DNAH8: variants seen among roughly 807,000 people sequenced by gnomAD.
The protein encoded by DNAH8 is dynein axonemal heavy chain 8.
In DNAH8, 382 loss-of-function variants were observed where a neutral mutation model predicts 562.1. That is an observed-to-expected ratio of 0.68 (90% confidence interval 0.63 to 0.74). The LOEUF (loss-of-function observed/expected upper bound fraction) is 0.74. Among genes scored for constraint, DNAH8 ranks in the 30% least tolerant of loss-of-function variants. The pLI, the probability that DNAH8 is intolerant of heterozygous loss-of-function variation, is 0.00. For synonymous variants in DNAH8, 1,881 were observed against 1,919.4 expected (o/e 0.98, Z 0.52); for missense variants, 5,203 against 5,620.4 (o/e 0.93, Z 2.37).
intron 23 of DNAH8, among the ~76,000 whole-genome samples, chr6:38,806,212 G>T (rs1397100414): frequency 6.6e-6 from 1 of 152,062 alleles, no homozygotes; most frequent in Non-Finnish European, 1.5e-5. Context: ...TCCTCCCCGG[G>T]TCAGTTTTCT....
In DNAH8 at chr6:38,971,183, C is replaced by T. The variant is rs371394927; in HGVS notation, c.12452-409C>T. On this transcript the variant is annotated intron_variant, in intron 82 of 92. Transcript: ENST00000327475. ...ACAGAAAATTAAATCTTTACAGAAG[C>T]GTCTGCTAAAACGCCGAAAAGGATT... is the stretch of plus-strand genomic sequence containing the variant. Among the ~76,000 whole-genome samples the T allele has an allele frequency of 5.7e-4, 87 of 152,294 alleles. No homozygotes were observed. In the South Asian group the frequency reaches 0.017, roughly 30 times the overall value.
Position 38,883,950 on chromosome 6 carries a change from A to G in DNAH8, c.8211A>G (p.Val2737=), listed in dbSNP as rs1778711888. The G allele has an allele frequency of 3.1e-6, 5 of 1,588,150 alleles. No homozygotes were observed. The highest frequency in any genetic ancestry group is 2.7e-5 in the African/African-American group (2 of 74,144). Residue 2737 remains valine (V), a synonymous_variant, in exon 56 of 93, where the codon GTA becomes GTG. Transcript: ENST00000327475. The part of the protein sequence containing the change: ...YGPPGGRKMT[V]FIDDINMPVI... ...CACCAGGAGGGAGAAAAATGACTGT[A>G]TTTATTGATGATATTAATATGCCTG...
Position 38,883,041 on chromosome 6 carries a change from A to G in DNAH8, c.7990A>G (p.Lys2664Glu). Residue 2664 changes from lysine (K) to glutamate (E), a missense_variant, in exon 54 of 93, where the codon AAA (lysine) becomes GAA (glutamate). Around this residue, in one of 6 missense-constraint regions of DNAH8, gnomAD observed 977 missense variants for 1,061.8 expected, o/e 0.92. Transcript: ENST00000327475. ...RTNFLIDTIA[K>E]QHKAVLLTGE... ...AAATTTTTTGATAGACACCATTGCA[A>G]AACAACATAAAGTAAGTTTAATAGA... 6.3e-7 allele frequency: 1 copy of G among 1,593,412 alleles called. No homozygotes were observed. Among genetic ancestry groups the G allele is most frequent in the Non-Finnish European group, 8.5e-7 (1 of 1,173,326 alleles).
intron 8 of DNAH8, among the ~76,000 whole-genome samples, chr6:38,743,007 C>T (rs1455229484): frequency 4.8e-4 from 25 of 51,994 alleles, no homozygotes; most frequent in South Asian, 2.1e-3. Context: ...TGTTGTTGTG[C>T]TTTTTTTTTT....
chr6:38,887,009 G>A lies in DNAH8; in HGVS notation c.8473+5G>A. The A allele has an allele frequency of 1.9e-6, 3 of 1,576,604 alleles. No individual in the cohort carries two copies. The highest frequency in any genetic ancestry group is 2.6e-6 in the Non-Finnish European group (3 of 1,146,524). ...CTTCAATAGACAAAATTTTTGGTAT[G>A]AATATTCTTAGCGTTTATTTTATTG... On this transcript the variant is annotated splice_donor_5th_base_variant and intron_variant, in intron 57 of 92. Coordinates refer to ENST00000327475, the MANE Select transcript of DNAH8 (RefSeq NM_001206927.2).
chr6:38,973,787 G>C lies in DNAH8; in HGVS notation c.12652G>C (p.Asp4218His), dbSNP rs778552426. 1.2e-6 allele frequency: 2 copies of C among 1,605,730 alleles called. No homozygotes were observed. The highest frequency in any genetic ancestry group is 2.2e-5 in the South Asian group (2 of 88,984). The change falls in exon 84 of 93, where the codon GAT becomes CAT. Residue 4218 changes from aspartate to histidine, a missense_variant. This residue lies in a region of DNAH8 where 1,399 missense variants were observed against 1,518.4 expected (regional missense o/e 0.92). Transcript: ENST00000327475. ...FRVWITTEPH[D>H]RFPITLLQTS... ...AGTATGGATAACTACGGAGCCCCAT[G>C]ATCGATTTCCAATTACATTGCTTCA...
intron 3 of DNAH8, among the ~76,000 whole-genome samples, chr6:38,728,460 A>T (rs1763403928): frequency 6.6e-6 from 1 of 152,230 alleles, no homozygotes; most frequent in South Asian, 2.1e-4. Flanking sequence ...TGTATCTAAA[A>T]TGCAAGGATT....
chr6:38,876,614 T>A (rs9366982), intron 53 of DNAH8, among the ~76,000 whole-genome samples: 1 of 151,860 alleles, frequency 6.6e-6, no homozygotes, highest in Non-Finnish European at 1.5e-5. Context: ...GAAGCGCACG[T>A]CACAGGACAT....
chr6:38,743,996 A>G (rs986123485), intron 8 of DNAH8: 2 of 152,178 alleles, frequency 1.3e-5, no homozygotes, highest in African/African-American at 4.8e-5. Context: ...AAGCTTTTAT[A>G]TGTCCATATG....
chr6:39,027,926 A>C (rs1206088511), intron 92 of DNAH8, among the ~76,000 whole-genome samples: 2 of 152,188 alleles, frequency 1.3e-5, no homozygotes, highest in Admixed American at 6.5e-5. Flanking sequence ...TCAGTAAATC[A>C]GTCTCCCTTT....
intron 1 of DNAH8, among the ~76,000 whole-genome samples, chr6:38,718,262 T>C (rs1405446222): frequency 6.6e-6 from 1 of 152,094 alleles, no homozygotes; most frequent in Non-Finnish European, 1.5e-5. Context: ...TGTCTGTATA[T>C]ATATTGTATA....
intron 85 of DNAH8, among the ~76,000 whole-genome samples, chr6:38,981,845 G>A (rs1390595288): frequency 1.2e-4 from 19 of 152,118 alleles, no homozygotes; most frequent in Admixed American, 1.1e-3. Context: ...CTTAGCTATA[G>A]AGCCATGAAG....
intron 82 of DNAH8, among the ~76,000 whole-genome samples, chr6:38,952,555 A>G (rs185406339): frequency 6.6e-6 from 1 of 152,336 alleles, no homozygotes; most frequent in East Asian, 1.9e-4. Flanking sequence ...CCTGTGAAGT[A>G]AAATTACATT....
rs571438417 is a variant in DNAH8, at chr6:38,974,463, C to T, written c.12768C>T (p.Asp4256=). ...TFAGINQDLL[D]ISNLPMWKPM... is the part of the protein sequence containing the mutation. ...CTGGAATTAATCAAGACCTTCTGGA[C>T]ATCAGTAATTTACCCATGTGGAAGC... Residue 4256 remains aspartate (D), a synonymous_variant, in exon 85 of 93, where the codon GAC becomes GAT. Transcript: ENST00000327475. 2 of 1,613,564 alleles carry T rather than the reference C, an allele frequency of 1.2e-6. No individual in the cohort carries two copies. Among genetic ancestry groups the T allele is most frequent in the African/African-American group, 1.3e-5 (1 of 75,042 alleles).
intron 3 of DNAH8, among the ~76,000 whole-genome samples, chr6:38,728,904 G>A (rs1023023156): frequency 2.6e-5 from 4 of 152,156 alleles, no homozygotes; most frequent in African/African-American, 7.2e-5. Context: ...TAGGCAGTCA[G>A]TAAATTAAGA....
At chr6:38,724,787 G>A (rs1763069405) in intron 3 of DNAH8, among the ~76,000 whole-genome samples, 2 of 152,176 alleles carry the variant, frequency 1.3e-5, no homozygotes, top group Admixed American at 1.3e-4. Context: ...AACCCTAGGA[G>A]TGGACTGGGC....
intron 88 of DNAH8, among the ~76,000 whole-genome samples, chr6:38,991,684 C>T (rs1764799094): frequency 6.6e-6 from 1 of 152,152 alleles, no homozygotes; most frequent in Non-Finnish European, 1.5e-5. Context: ...CACCTTCGTG[C>T]CCACTCAGCT....
intron 89 of DNAH8, 28 bp from the exon 90 acceptor site, chr6:39,012,187 C>A: frequency 6.5e-7 from 1 of 1,547,306 alleles, no homozygotes; most frequent in Non-Finnish European, 8.8e-7. Context: ...AGAAAATCTC[C>A]TTTATTGCAT....
chr6:38,924,447 G>T (rs1476809808), intron 73 of DNAH8, among the ~76,000 whole-genome samples: 1 of 151,996 alleles, frequency 6.6e-6, no homozygotes, highest in Non-Finnish European at 1.5e-5. Context: ...GGGAGGCAAT[G>T]GTTCCGAGAT....
Sources: gnomAD v4.1 joint callset for allele counts (sites outside exome capture counted in the v4.1 genomes callset) on GRCh38, gnomAD v4.1.1 for gene constraint, gnomAD v4.1.1 regional missense constraint, MANE v1.5 for transcripts, NCBI Gene and HGNC (gene_info 2026-07-23, HGNC 2026-07-21) for gene names.